Variants in GCNT1 observed in about 807,000 individuals in gnomAD.
GCNT1 encodes the protein beta-1,3-galactosyl-O-glycosyl-glycoprotein beta-1,6-N-acetylglucosaminyltransferase.
A neutral mutation model predicts 26.2 loss-of-function variants in GCNT1; 16 were observed. The observed-to-expected ratio is 0.61, with a 90% CI of 0.41 to 0.93. The LOEUF (loss-of-function observed/expected upper bound fraction) is 0.93, where lower values mean the gene tolerates loss of function less well. Among genes scored for constraint, GCNT1 ranks in the 40% least tolerant of loss-of-function variants. The pLI is 0.00. For synonymous variants in GCNT1, 183 were observed against 190.8 expected, an observed-to-expected ratio of 0.96 and a Z score of 0.34; for missense variants, 477 against 526.7, an observed-to-expected ratio of 0.91 and a Z score of 0.92.
intron 2 of GCNT1, among the ~76,000 whole-genome samples, chr9:76,496,169 G>A (rs959969864): frequency 5.9e-5 from 9 of 152,218 alleles, no homozygotes; most frequent in African/African-American, 2.2e-4. Flanking sequence ...ATTAGGCCTG[G>A]TGTGCCCTGG....
intron 2 of GCNT1, among the ~76,000 whole-genome samples, chr9:76,489,191 A>G (rs1416428032): frequency 6.6e-6 from 1 of 152,186 alleles, no homozygotes; most frequent in Non-Finnish European, 1.5e-5. Context: ...ATTTTTCAAG[A>G]CAACTGGGCG....
At chr9:76,394,258 G>A in the GCNT1 span, 9 of 1,373,054 alleles carry the variant, frequency 6.6e-6, no homozygotes, top group East Asian at 1.9e-4. Flanking sequence ...CCCCGGACCA[G>A]CCGGGGGACA....
upstream of GCNT1, chr9:76,459,128 TG>T (rs1395273946): frequency 3.9e-5 from 6 of 152,246 alleles, no homozygotes; most frequent in Non-Finnish European, 7.3e-5. Context: ...GGCGGGGACG[TG>T]GTGGGCGGGG....
upstream of GCNT1, among the ~76,000 whole-genome samples, chr9:76,415,592 G>A (rs772534631): frequency 3.9e-5 from 6 of 152,176 alleles, no homozygotes; most frequent in Non-Finnish European, 7.3e-5. Flanking sequence ...CCCATGAAAA[G>A]CAAGAGTAGA....
intron 2 of GCNT1, among the ~76,000 whole-genome samples, chr9:76,461,733 T>G (rs1823874255): frequency 6.6e-6 from 1 of 151,082 alleles, no homozygotes; most frequent in African/African-American, 2.4e-5. Flanking sequence ...ACAAAAATAT[T>G]CAAAAATTAG....
intron 2 of GCNT1, among the ~76,000 whole-genome samples, chr9:76,471,834 A>C (rs1824138640): frequency 6.6e-6 from 1 of 152,106 alleles, no homozygotes; most frequent in African/African-American, 2.4e-5. Flanking sequence ...TTTTGGGTCA[A>C]AATAAGATGT....
chr9:76,429,244 A>G (rs1823301090), intron 1 of GCNT1, among the ~76,000 whole-genome samples: 1 of 152,124 alleles, frequency 6.6e-6, no homozygotes. Context: ...CTATTCCTAT[A>G]GCATGCACAA....
intron 1 of GCNT1, among the ~76,000 whole-genome samples, chr9:76,429,532 T>C (rs1382142717): frequency 2.0e-5 from 3 of 152,174 alleles, no homozygotes. Context: ...CCTGTTCTCC[T>C]GGGCTGGTGA....
At chr9:76,483,800 C>T (rs931664697) in intron 2 of GCNT1, among the ~76,000 whole-genome samples, 7 of 152,080 alleles carry the variant, frequency 4.6e-5, no homozygotes, top group Admixed American at 2.0e-4. Context: ...CTCTCATCCC[C>T]AAAGTCAATG....
intron 1 of GCNT1, among the ~76,000 whole-genome samples, chr9:76,436,104 A>G (rs1439432718): frequency 6.6e-6 from 1 of 151,760 alleles, no homozygotes; most frequent in African/African-American, 2.4e-5. Context: ...GGCATGTGCC[A>G]CCATGCCTGG....
rs775089152 is a variant in GCNT1 at position 76,423,685 on chromosome 9, G to A, written n.38+3798G>A. On this transcript the variant is annotated intron_variant and non_coding_transcript_variant, in intron 1 of 3. Coordinates refer to the GCNT1 transcript ENST00000488136. ...ATGAGAAAGGAACAGATGATGTTAC[G>A]CTTTTTTTCTCAAGCTTCCATGAGA... Among the ~76,000 whole-genome samples the A allele has an allele frequency of 5.9e-5, 9 of 152,154 alleles. 1 individual carries two copies. The highest frequency in any genetic ancestry group is 7.3e-5 in the Non-Finnish European group (5 of 68,030).
At chr9:76,472,432 C>A (rs1230188001) in intron 2 of GCNT1, among the ~76,000 whole-genome samples, 1 of 152,196 alleles carries the variant, frequency 6.6e-6, no homozygotes, top group Non-Finnish European at 1.5e-5. Flanking sequence ...AGAACACATA[C>A]CCACAAGGGT....
At chr9:76,434,735 G>A (rs893703727) in intron 1 of GCNT1, among the ~76,000 whole-genome samples, 8 of 152,210 alleles carry the variant, frequency 5.3e-5, no homozygotes, top group African/African-American at 1.9e-4. Context: ...CTTGCAGAGA[G>A]CCTATAAATG....
chr9:76,474,743 G>A (rs1006311514), intron 2 of GCNT1, among the ~76,000 whole-genome samples: 38 of 152,292 alleles, frequency 2.5e-4, no homozygotes, highest in African/African-American at 8.9e-4. Flanking sequence ...GCTTATTTTG[G>A]AGAACTGTCA....
At chr9:76,435,586 T>G (rs1823397232) in intron 1 of GCNT1, among the ~76,000 whole-genome samples, 1 of 152,230 alleles carries the variant, frequency 6.6e-6, no homozygotes, top group African/African-American at 2.4e-5. Context: ...GGCCATCTTC[T>G]CACTGTGTCT....
chr9:76,396,464 A>G, the GCNT1 span, among the ~76,000 whole-genome samples: 3 of 152,028 alleles, frequency 2.0e-5, no homozygotes, highest in African/African-American at 4.8e-5. Flanking sequence ...GAAAGAGAGA[A>G]AAAAGAAAGA....
intron 2 of GCNT1, among the ~76,000 whole-genome samples, chr9:76,490,632 C>A (rs1824706788): frequency 6.6e-6 from 1 of 152,228 alleles, no homozygotes; most frequent in South Asian, 2.1e-4. Flanking sequence ...ATTAATAAAA[C>A]CTTGTTCAGT....
At chr9:76,395,045 G>A in the GCNT1 span, among the ~76,000 whole-genome samples, 1 of 152,126 alleles carries the variant, frequency 6.6e-6, no homozygotes, top group Non-Finnish European at 1.5e-5. Context: ...CTAGTGGAAG[G>A]TTACCGACAT....
At chr9:76,472,634 T>C (rs1279951455) in intron 2 of GCNT1, among the ~76,000 whole-genome samples, 3 of 152,234 alleles carry the variant, frequency 2.0e-5, no homozygotes, top group Non-Finnish European at 4.4e-5. Flanking sequence ...CTGAATACCA[T>C]GTCTCTGTCT....
Sources: gnomAD v4.1 joint callset for allele counts (sites outside exome capture counted in the v4.1 genomes callset) on GRCh38, gnomAD v4.1.1 for gene constraint, MANE v1.5 for transcripts, NCBI Gene and HGNC (gene_info 2026-07-23, HGNC 2026-07-21) for gene names.